PGAM1: variants seen among roughly 807,000 people sequenced by gnomAD.
The protein encoded by PGAM1 is BPG-dependent PGAM 1.
Under a neutral mutation model 23.5 loss-of-function variants are expected in PGAM1, and 21 were observed. The ratio of observed to expected loss-of-function variants is 0.89; its 90% CI spans 0.63 to 1.29. PGAM1 has a LOEUF of 1.29. Ranked by LOEUF, PGAM1 falls within the 50% of genes most tolerant of loss-of-function variation. The probability of loss-of-function intolerance (pLI) is 0.00; values close to 1 mark genes in which losing one functional copy is unlikely to be tolerated. For missense variants in PGAM1, 232 were observed against 336.3 expected (o/e 0.69, Z 2.42); for synonymous variants, 109 against 128.6 (o/e 0.85, Z 1.03).
intron 3 of PGAM1, among the ~76,000 whole-genome samples, chr10:97,431,889 TA>T (rs549613576): frequency 0.2 from 27,703 of 141,526 alleles, 3,197 homozygotes; most frequent in Non-Finnish European, 0.27. Flanking sequence ...CCTTGTCTCT[TA>T]AAAAAAAAAA....
At position 97,430,560 on chromosome 10, in the gene PGAM1, T is replaced by A; in HGVS notation, c.321T>A (p.His107Gln). 1 of 1,600,980 alleles carries A rather than the reference T, an allele frequency of 6.2e-7. No homozygotes were observed. The highest frequency in any genetic ancestry group is 8.5e-7 in the Non-Finnish European group (1 of 1,179,888). ...GLNKAETAAK[H>Q]GEAQVKIWRR... ...ATAAAGCAGAAACTGCTGCAAAGCA[T>A]GGTGAGGCCCAGGTGAAGATCTGGA... The change falls in exon 2 of 4, where the codon CAT becomes CAA. Residue 107 changes from histidine to glutamine, a missense_variant. Physicochemically the swap from His to Gln is conservative, Grantham distance 24. Transcript: ENST00000334828.
At position 97,426,513 on chromosome 10, in the gene PGAM1, G is replaced by T. The variant is rs543043398; in HGVS notation, c.139+67G>T. 55 of 1,488,544 alleles carry T rather than the reference G, an allele frequency of 3.7e-5. No individual in the cohort carries two copies. In the Admixed American group the frequency reaches 1.3e-3, roughly 35 times the overall value. 92.2% of individuals were successfully genotyped at this position (1,488,544 alleles called of 1,614,324 possible). On this transcript the variant is annotated intron_variant, in intron 1 of 3. Coordinates refer to ENST00000334828, the MANE Select transcript of PGAM1 (RefSeq NM_002629.4). ...CGGCCTCGGAGGCCGCCTGGCTGGC[G>T]TCTGCGCCCTCTCGGAGAGGGCCGG...
At position 97,432,670 on chromosome 10, in the gene PGAM1, C is replaced by T. The variant is rs1000228933; in HGVS notation, c.*146C>T. ...GACGGGGACCAGTGGCTCCCATTTT[C>T]ATTTTAGCCATTTTGTCGCCTGCAC... On this transcript the variant is annotated 3_prime_UTR_variant, in exon 4 of 4. Coordinates refer to ENST00000334828, the MANE Select transcript of PGAM1 (RefSeq NM_002629.4). 4 of 950,480 alleles carry T rather than the reference C, an allele frequency of 4.2e-6. No homozygotes were observed. In the African/African-American group the frequency reaches 6.6e-5, roughly 16 times the overall value. The allele number at this position is 950,480 out of a possible 1,614,324, so 58.9% of individuals were successfully genotyped here. A position where few individuals can be genotyped will look rare whatever the true frequency, so the allele number is the denominator to read the frequency against.
chr10:97,427,507 G>A (rs1845423517), intron 1 of PGAM1: 1 of 1,047,008 alleles, frequency 9.6e-7, no homozygotes, highest in Non-Finnish European at 1.2e-6. Flanking sequence ...AAGATGACTT[G>A]TCCAAGGTCA....
At chr10:97,426,478 G>A (rs1413638412) in intron 1 of PGAM1, 32 bp downstream of exon 1, 7 of 1,544,304 alleles carry the variant, frequency 4.5e-6, no homozygotes, top group African/African-American at 2.8e-5. Flanking sequence ...GCTGCGAAGG[G>A]CCGGGTGTCC....
At chr10:97,429,187 T>G (rs930677989) in intron 1 of PGAM1, among the ~76,000 whole-genome samples, 10 of 137,830 alleles carry the variant, frequency 7.3e-5, no homozygotes, top group African/African-American at 2.7e-4. Context: ...CACTGCAAGC[T>G]CCGCCTCCCG....
intron 1 of PGAM1, chr10:97,427,772 C>T: frequency 7.8e-7 from 1 of 1,288,170 alleles, no homozygotes; most frequent in Non-Finnish European, 1.0e-6. Flanking sequence ...ATGATAGGGG[C>T]AGATCCTCCT....
chr10:97,431,658 T>G (rs537640509), intron 3 of PGAM1, among the ~76,000 whole-genome samples: 1 of 152,186 alleles, frequency 6.6e-6, no homozygotes, highest in Non-Finnish European at 1.5e-5. Flanking sequence ...GCCTGTACTA[T>G]CAGCACCTTG....
In PGAM1 at chr10:97,426,228, G is replaced by T; in HGVS notation, c.-80G>T. Reference sequence around the variant, plus strand: ...GGGAGCCGGACTGAGCGGTGCGAGCGCGCAGGCGCGGCCGACGGGGCGGGC... The same window carrying T: ...GGGAGCCGGACTGAGCGGTGCGAGCTCGCAGGCGCGGCCGACGGGGCGGGC... On this transcript the variant is annotated 5_prime_UTR_variant, in exon 1 of 4. Transcript: ENST00000334828. The T allele has an allele frequency of 6.3e-7, 1 of 1,599,998 alleles. No individual in the cohort carries two copies.
At chr10:97,427,797 C>T (rs1430850617) in intron 1 of PGAM1, 4 of 1,289,354 alleles carry the variant, frequency 3.1e-6, no homozygotes, top group Admixed American at 2.3e-5. Flanking sequence ...TCCCTTCTAA[C>T]CTCTGGACAA....
At chr10:97,427,970 ATTGT>A (rs1288292247) in intron 1 of PGAM1, 4 of 1,271,092 alleles carry the variant, frequency 3.1e-6, no homozygotes, top group South Asian at 2.5e-5. Context: ...CAGGGGAGTG[ATTGT>A]TTGAGATGGC....
intron 1 of PGAM1, among the ~76,000 whole-genome samples, chr10:97,430,057 A>G (rs117603972): frequency 2.0e-5 from 3 of 151,648 alleles, no homozygotes; most frequent in Non-Finnish European, 2.9e-5. Flanking sequence ...AAAAAAAAAA[A>G]AAAAAGAAAA....
intron 1 of PGAM1, among the ~76,000 whole-genome samples, chr10:97,429,189 C>T (rs1845442402): frequency 6.6e-6 from 1 of 150,544 alleles, no homozygotes; most frequent in Non-Finnish European, 1.5e-5. Context: ...CTGCAAGCTC[C>T]GCCTCCCGGA....
In PGAM1 at chr10:97,430,426, G is replaced by A; in HGVS notation, c.187G>A (p.Ala63Thr). 6.2e-7 allele frequency: 1 copy of A among 1,610,866 alleles called. No homozygotes were observed. Among genetic ancestry groups the A allele is most frequent in the Non-Finnish European group, 8.5e-7 (1 of 1,179,772 alleles). The change falls in exon 2 of 4, where the codon GCG becomes ACG. Residue 63 changes from alanine to threonine, a missense_variant. Ala to Thr is a moderately conservative substitution (Grantham distance 58). Coordinates refer to ENST00000334828, the MANE Select transcript of PGAM1 (RefSeq NM_002629.4). ...DICFTSVQKR[A>T]IRTLWTVLDA... is the part of the protein sequence containing the mutation. ...CTGCTTCACCTCAGTGCAGAAGAGA[G>A]CGATCCGGACCCTCTGGACAGTGCT...
In PGAM1 at chr10:97,429,092, C is replaced by CTTTTTTTTT. The variant is rs888329236; in HGVS notation, c.140-1270_140-1262dup. Among the ~76,000 whole-genome samples, 12 of 84,766 alleles carry CTTTTTTTTT rather than the reference C, an allele frequency of 1.4e-4. 1 individual carries two copies. The highest frequency in any genetic ancestry group is 3.3e-4 in the African/African-American group (6 of 18,092). 55.6% of individuals were successfully genotyped at this position (84,766 alleles called of 152,430 possible). On this transcript the variant is annotated intron_variant, in intron 1 of 3. Coordinates refer to ENST00000334828, the MANE Select transcript of PGAM1 (RefSeq NM_002629.4). ...GAAACAAAATCAATAAGACTGATTC[C>CTTTTTTTTT]TTTTTTTTTTTTTTTTTTTTTTTTT...
intron 3 of PGAM1, 39 bp downstream of exon 3, chr10:97,431,174 A>G (rs759408773): frequency 1.4e-5 from 22 of 1,612,134 alleles, no homozygotes; most frequent in Non-Finnish European, 1.7e-5. Flanking sequence ...AAGGAAGGAT[A>G]AAGCAGAACT....
chr10:97,432,553 G>C lies in PGAM1; in HGVS notation c.*29G>C. On this transcript the variant is annotated 3_prime_UTR_variant, in exon 4 of 4. Coordinates refer to ENST00000334828, the MANE Select transcript of PGAM1 (RefSeq NM_002629.4). ...CCGGCGGGGAGGATACTGTCCCCAG[G>C]AGCACCCTCCCTGCCCGTCTTGTCC... 7.9e-6 allele frequency: 11 copies of C among 1,397,034 alleles called. No individual in the cohort carries two copies. The highest frequency in any genetic ancestry group is 1.1e-5 in the Non-Finnish European group (11 of 992,870). The allele number at this position is 1,397,034 out of a possible 1,614,324, so 86.5% of individuals were successfully genotyped here.
rs780617994 is a variant in PGAM1 at position 97,430,614 on chromosome 10, G to C, written c.375G>C (p.Pro125=). 1.2e-6 allele frequency: 2 copies of C among 1,602,664 alleles called. No homozygotes were observed. The highest frequency in any genetic ancestry group is 2.2e-5 in the East Asian group (1 of 44,888). Residue 125 remains proline, a synonymous_variant, in exon 2 of 4, where the codon CCG becomes CCC. Transcript: ENST00000334828. ...WRRSYDVPPP[P]MEPDHPFYSN... The stretch of plus-strand genomic sequence containing the variant: ...GCTCCTATGATGTCCCACCACCTCC[G>C]ATGGAGCCCGACCATCCTTTCTACA...
intron 1 of PGAM1, 66 bp downstream of exon 1, chr10:97,426,512 CGT>C (rs769534024): frequency 2.9e-5 from 43 of 1,487,374 alleles, no homozygotes; most frequent in Non-Finnish European, 3.4e-5. Flanking sequence ...GCCTGGCTGG[CGT>C]CTGCGCCCTC....
Sources: gnomAD v4.1 joint callset for allele counts (sites outside exome capture counted in the v4.1 genomes callset) on GRCh38, gnomAD v4.1.1 for gene constraint, MANE v1.5 for transcripts, NCBI Gene and HGNC (gene_info 2026-07-23, HGNC 2026-07-21) for gene names.